Variants in PAX8 observed in about 807,000 individuals in gnomAD.
PAX8 encodes the protein paired box 8, also known as paired box protein Pax-8.
In PAX8, 15 loss-of-function variants were observed where a neutral mutation model predicts 52.4. That is an observed-to-expected ratio of 0.29 (90% CI 0.19 to 0.44). The LOEUF is 0.44. Among genes scored for constraint, PAX8 ranks in the 20% least tolerant of loss-of-function variants. PAX8 has a pLI of 1.00. For synonymous variants in PAX8, 284 were observed against 249.7 expected (o/e 1.14, Z -1.29); for missense variants, 554 against 602.5 (o/e 0.92, Z 0.84).
intron 2 of PAX8, among the ~76,000 whole-genome samples, chr2:113,253,318 A>G (rs1158483285): frequency 2.0e-5 from 3 of 152,174 alleles, no homozygotes; most frequent in Non-Finnish European, 4.4e-5. Flanking sequence ...TCATGATGGC[A>G]TCATGGGCAT....
In PAX8 at chr2:113,227,271, C is replaced by T. The variant is rs774775305; in HGVS notation, c.1088-15G>A. On this transcript the variant is annotated splice_polypyrimidine_tract_variant and intron_variant, in intron 9 of 11. Transcript: ENST00000429538. ...CATCTCTCGCCCTGGAAAAATACAG[C>T]AAAGAGTCGTCAGTTGGACCATGGG... 3.1e-6 allele frequency: 5 copies of T among 1,595,910 alleles called. No homozygotes were observed. In the South Asian group the frequency reaches 4.5e-5, roughly 14 times the overall value.
intron 3 of PAX8, 85 bp downstream of exon 3, chr2:113,246,669 G>T: frequency 6.9e-7 from 1 of 1,452,638 alleles, no homozygotes; most frequent in Non-Finnish European, 9.5e-7. Context: ...CGTTCCCTGG[G>T]AGGGGAATTC....
intron 10 of PAX8, among the ~76,000 whole-genome samples, chr2:113,220,866 G>A (rs1434511608): frequency 2.6e-5 from 4 of 152,142 alleles, no homozygotes; most frequent in Non-Finnish European, 4.4e-5. Context: ...CAAACTCAAC[G>A]TATAAATTTA....
At position 113,243,224 on chromosome 2, in the gene PAX8, T is replaced by C. The variant is rs553521433; in HGVS notation, c.390-446A>G. Among the ~76,000 whole-genome samples, 8 of 152,314 alleles carry C rather than the reference T, an allele frequency of 5.3e-5. No individual in the cohort carries two copies. The South Asian group carries it at 1.7e-3, about 32-fold the overall frequency. On this transcript the variant is annotated intron_variant, in intron 4 of 11. Transcript: ENST00000429538. ...CCTACTGCAGCCAGAGTGGACTTTC[T>C]GAAATGCAAGTTGGCTTAAAATCTG...
intron 9 of PAX8, among the ~76,000 whole-genome samples, chr2:113,233,489 C>T (rs1690030180): frequency 6.6e-6 from 1 of 152,128 alleles, no homozygotes; most frequent in South Asian, 2.1e-4. Flanking sequence ...ACCATTCTGG[C>T]TAACATGGTG....
At chr2:113,227,075 T>C (rs1689623814) in intron 10 of PAX8, 80 bp downstream of exon 10, 2 of 1,537,264 alleles carry the variant, frequency 1.3e-6, no homozygotes, top group East Asian at 2.4e-5. Context: ...GGGCACAGTA[T>C]GCCTCTTGCT....
rs1296925824 is a variant in PAX8, at chr2:113,220,135, G to C, written c.1233C>G (p.Ser411=). 3.1e-6 allele frequency: 5 copies of C among 1,613,912 alleles called. No individual in the cohort carries two copies. Among genetic ancestry groups the C allele is most frequent in the Non-Finnish European group, 4.2e-6 (5 of 1,179,986 alleles). The part of the protein sequence containing the change: ...SGNAYGHTPY[S]SYSEAWRFPN... The stretch of plus-strand genomic sequence containing the variant: ...GGAAGCGCCAGGCCTCGCTGTAGGA[G>C]GAGTAGGGGGTGTGGCCATAGGCAT... Residue 411 remains serine, a synonymous_variant, in exon 11 of 12, where the codon TCC becomes TCG. Transcript: ENST00000429538.
rs1268678060 is a variant in PAX8, at chr2:113,217,325, G to T, written c.*1208C>A. 4.4e-6 allele frequency: 1 copy of T among 226,490 alleles called. No individual in the cohort carries two copies. Among genetic ancestry groups the T allele is most frequent in the Non-Finnish European group, 8.8e-6 (1 of 113,530 alleles). The allele number at this position is 226,490 out of a possible 1,614,324, so 14.0% of individuals were successfully genotyped here. On this transcript the variant is annotated 3_prime_UTR_variant, in exon 12 of 12. Transcript: ENST00000429538. ...GTTCTTGGGAGAAAGCCCAGCCCCG[G>T]GATGCCTCCTTCCCCAGCCAACCCC...
rs568444238 is a variant in PAX8, at chr2:113,236,498, G to C, written c.898+103C>G. ...CCTGGCGGCCCGGCCGGCACAGCCC[G>C]CCTCTCCTCTCCAGGCCAGGGCCCC... On this transcript the variant is annotated intron_variant, in intron 8 of 11. Coordinates refer to ENST00000429538, the MANE Select transcript of PAX8 (RefSeq NM_003466.4). The C allele has an allele frequency of 9.3e-5, 127 of 1,359,254 alleles. 1 individual carries two copies. In the South Asian group the frequency reaches 1.7e-3, roughly 18 times the overall value. 84.2% of individuals were successfully genotyped at this position (1,359,254 alleles called of 1,614,324 possible). A position where few individuals can be genotyped will look rare whatever the true frequency, so the allele number is the denominator to read the frequency against.
At chr2:113,246,353 T>C (rs1423038723) in intron 3 of PAX8, among the ~76,000 whole-genome samples, 1 of 152,144 alleles carries the variant, frequency 6.6e-6, no homozygotes, top group Non-Finnish European at 1.5e-5. Flanking sequence ...TATCACTCTT[T>C]TAGGGGTTAG....
At chr2:113,234,874 C>T (rs1690149153) in intron 9 of PAX8, among the ~76,000 whole-genome samples, 1 of 152,176 alleles carries the variant, frequency 6.6e-6, no homozygotes, top group Non-Finnish European at 1.5e-5. Context: ...GGAGGTCCCC[C>T]ACTCCTCTCA....
chr2:113,237,585 AG>A (rs1283779126), intron 7 of PAX8: 1 of 152,222 alleles, frequency 6.6e-6, no homozygotes, highest in Non-Finnish European at 1.5e-5. Context: ...GGTCTTCATC[AG>A]TAAGACCTCA....
intron 2 of PAX8, chr2:113,272,816 G>A (rs1312787627): frequency 2.0e-5 from 3 of 152,156 alleles, no homozygotes; most frequent in Non-Finnish European, 4.4e-5. Flanking sequence ...CACCCTCTAA[G>A]AGAAGATAAC....
rs138391311 is a variant in PAX8, at chr2:113,216,213, C to T, written c.*2320G>A. On this transcript the variant is annotated 3_prime_UTR_variant, in exon 12 of 12. Transcript: ENST00000429538. ...GGAAGACTCTCAGATGTCATGGATT[C>T]GGAGTCGCGCTGCAGAGGGAAGTTC... 8.1e-4 allele frequency: 186 copies of T among 230,812 alleles called. No individual in the cohort carries two copies. Among genetic ancestry groups the T allele is most frequent in the East Asian group, 6.9e-3 (113 of 16,302 alleles). 14.3% of individuals were successfully genotyped at this position (230,812 alleles called of 1,614,324 possible).
intron 10 of PAX8, among the ~76,000 whole-genome samples, chr2:113,223,560 T>C (rs6755040): frequency 0.37 from 56,487 of 151,992 alleles, 10,558 homozygotes; most frequent in South Asian, 0.45. Context: ...CTGCCTTAGG[T>C]CCTTTGCCCT....
intron 2 of PAX8, chr2:113,274,917 AATAAATT>A (rs1693695806): frequency 6.6e-6 from 1 of 152,240 alleles, no homozygotes; most frequent in Non-Finnish European, 1.5e-5. Context: ...AATGCATCTC[AATAAATT>A]AGAGATTTGA....
intron 8 of PAX8, 33 bp from the exon 9 acceptor site, chr2:113,235,615 G>A: frequency 6.4e-7 from 1 of 1,568,064 alleles, no homozygotes; most frequent in Non-Finnish European, 8.7e-7. Context: ...AAGGAGAGAG[G>A]GGTGTGAGAT....
chr2:113,244,589 A>G lies in PAX8; in HGVS notation c.227T>C (p.Ile76Thr). 1.9e-6 allele frequency: 3 copies of G among 1,614,114 alleles called. No homozygotes were observed. The highest frequency in any genetic ancestry group is 2.5e-6 in the Non-Finnish European group (3 of 1,179,994). ...YETGSIRPGV[I>T]GGSKPKVATP... ...GGCCACCTTGGGCTTGGAGCCCCCT[A>G]TCACTCCAGGCCGGATGCTGCCAGT... is the stretch of plus-strand genomic sequence containing the variant. The change falls in exon 4 of 12, where the codon ATA (isoleucine) becomes ACA (threonine). Residue 76 changes from isoleucine (I) to threonine (T), a missense_variant. Physicochemically the swap from Ile to Thr is moderately conservative, Grantham distance 89 (BLOSUM62 -1). This residue lies in a region of PAX8 where 109 missense variants were observed against 192.7 expected (regional missense o/e 0.57). Transcript: ENST00000429538.
Position 113,235,413 on chromosome 2 carries a change from C to G in PAX8, c.1068G>C (p.Thr356=), listed in dbSNP as rs568106732. ...TCGTACCTGAGAGGAGGGCCTGGCC[C>G]GTGAACTGCCCGTACACGGAGGCAG... ...PHAASVYGQF[T]GQALLSGREM... Residue 356 remains threonine (T), a synonymous_variant, in exon 9 of 12, where the codon ACG becomes ACC. Transcript: ENST00000429538. The G allele has an allele frequency of 1.9e-5, 30 of 1,591,874 alleles. No individual in the cohort carries two copies. Among genetic ancestry groups the G allele is most frequent in the Middle Eastern group, 1.7e-4 (1 of 5,956 alleles).
Sources: gnomAD v4.1 joint callset for allele counts (sites outside exome capture counted in the v4.1 genomes callset) on GRCh38, gnomAD v4.1.1 for gene constraint, gnomAD v4.1.1 regional missense constraint, MANE v1.5 for transcripts, NCBI Gene and HGNC (gene_info 2026-07-23, HGNC 2026-07-21) for gene names.